RASGEF1C: variants seen among roughly 807,000 people sequenced by gnomAD.
RASGEF1C encodes the protein RasGEF domain family member 1C.
In RASGEF1C, 27 loss-of-function variants were observed where a neutral mutation model predicts 58.1. The observed-to-expected ratio is 0.46, with a 90% CI of 0.34 to 0.64. The LOEUF is 0.64. Ranked by LOEUF, RASGEF1C falls within the 30% of genes least tolerant of loss-of-function variation. The pLI is 0.01. For missense variants in RASGEF1C, 502 were observed against 605.1 expected, an observed-to-expected ratio of 0.83 and a Z score of 1.79; for synonymous variants, 243 against 246.3, an observed-to-expected ratio of 0.99 and a Z score of 0.13.
chr5:180,131,030 A>C (rs1766357257), intron 4 of RASGEF1C, among the ~76,000 whole-genome samples: 1 of 149,732 alleles, frequency 6.7e-6, no homozygotes, highest in Non-Finnish European at 1.5e-5. Flanking sequence ...TCTCTAGTTC[A>C]TTTTCTTCTA....
Position 180,138,007 on chromosome 5 carries a change from G to T in RASGEF1C, c.46C>A (p.Leu16Ile), listed in dbSNP as rs1766515804. 6.4e-7 allele frequency: 1 copy of T among 1,561,256 alleles called. No individual in the cohort carries two copies. Among genetic ancestry groups the T allele is most frequent in the South Asian group, 1.2e-5 (1 of 83,802 alleles). Residue 16 changes from leucine to isoleucine, a missense_variant, in exon 2 of 14, where the codon CTC (leucine) becomes ATC (isoleucine). By Grantham distance (5) the Leu-to-Ile change is conservative. Coordinates refer to ENST00000361132, the MANE Select transcript of RASGEF1C (RefSeq NM_175062.4). The part of the protein sequence containing the change: ...SASDMVTPGS[L>I]SPPPTEPTDG... ...GTGGGCTCGGTGGGGGGTGGGCTGA[G>T]GCTGCCTGGGGTGACCATGTCGGAG...
chr5:180,200,378 A>C (rs78457912), intron 1 of RASGEF1C, among the ~76,000 whole-genome samples: 11,871 of 115,196 alleles, frequency 0.1, 1,148 homozygotes, highest in Non-Finnish European at 0.16. Flanking sequence ...GGCGCGATCT[A>C]GGCTCACTGC....
chr5:180,119,214 G>A (rs1367517501), intron 8 of RASGEF1C, 132 bp downstream of exon 8: 1 of 794,062 alleles, frequency 1.3e-6, no homozygotes, highest in African/African-American at 1.7e-5. Flanking sequence ...CAGGCCTTCA[G>A]AGAGCCCGGC....
intron 1 of RASGEF1C, among the ~76,000 whole-genome samples, chr5:180,205,735 ATTATTATT>A (rs1756475872): frequency 6.6e-6 from 1 of 151,128 alleles, no homozygotes; most frequent in Non-Finnish European, 1.5e-5. Context: ...TATTATTATT[ATTATTATT>A]TTGAGACAGA....
intron 1 of RASGEF1C, among the ~76,000 whole-genome samples, chr5:180,163,179 T>G (rs1044920232): frequency 3.9e-4 from 58 of 150,410 alleles, no homozygotes; most frequent in Middle Eastern, 3.4e-3. Flanking sequence ...ACAGACAGTT[T>G]TAGTTCTTGC....
Position 180,118,607 on chromosome 5 carries a change from A to G in RASGEF1C, c.1083+2T>C. ...CCCTGGGCCAACGTGGCCCCGACCT[A>G]CCTTCTCTCGGCTGCTGTGGGCCGT... On this transcript the variant is annotated splice_donor_variant, in intron 10 of 13. Coordinates refer to ENST00000361132, the MANE Select transcript of RASGEF1C (RefSeq NM_175062.4). LOFTEE classifies it high-confidence loss of function. 6.2e-7 allele frequency: 1 copy of G among 1,606,390 alleles called. No homozygotes were observed. Among genetic ancestry groups the G allele is most frequent in the Non-Finnish European group, 8.5e-7 (1 of 1,176,186 alleles).
intron 1 of RASGEF1C, among the ~76,000 whole-genome samples, chr5:180,151,004 TG>T: frequency 6.6e-6 from 1 of 150,740 alleles, no homozygotes; most frequent in Non-Finnish European, 1.5e-5. Flanking sequence ...GAATCCAACT[TG>T]CAAGGGATGT....
intron 10 of RASGEF1C, 25 bp downstream of exon 10, chr5:180,118,584 C>T: frequency 2.5e-6 from 4 of 1,581,042 alleles, no homozygotes; most frequent in Non-Finnish European, 3.4e-6. Context: ...TGCAGCCCCC[C>T]TGGGCCAACG....
chr5:180,208,432 C>A (rs1561762391), intron 1 of RASGEF1C, among the ~76,000 whole-genome samples: 1 of 152,178 alleles, frequency 6.6e-6, no homozygotes, highest in African/African-American at 2.4e-5. Flanking sequence ...AATCTAAATA[C>A]AATGAGTGGA....
chr5:180,182,136 T>C (rs6601091), intron 1 of RASGEF1C, among the ~76,000 whole-genome samples: 145,998 of 146,214 alleles, frequency 1, 72,892 homozygotes, highest in Middle Eastern at 1. Context: ...ACCCGGGAGG[T>C]GGAGCTTGCA....
At position 180,137,822 on chromosome 5, in the gene RASGEF1C, C is replaced by T; in HGVS notation, c.177+54G>A. On this transcript the variant is annotated intron_variant, in intron 2 of 13. Transcript: ENST00000361132. The surrounding 1 kb of genome is among the most constrained non-coding windows in gnomAD (Gnocchi z 4.1). ...AAGGTCACGCCCAACCCTGATGCCC[C>T]CCGTGCGTGGTGGAGGAGAGCCCAC... 3 of 1,602,648 alleles carry T rather than the reference C, an allele frequency of 1.9e-6. No homozygotes were observed. The South Asian group carries it at 3.4e-5, about 18-fold the overall frequency.
chr5:180,155,528 T>C lies in RASGEF1C; in HGVS notation c.-6-17470A>G, dbSNP rs963341342. ...GCTCCATATGGCCTTCAACTCCTGC[T>C]GACAGATCCCGCTGTCTCCCTCAGG... On this transcript the variant is annotated intron_variant, in intron 1 of 13. Transcript: ENST00000361132. The surrounding 1 kb of genome is among the most constrained non-coding windows in gnomAD (Gnocchi z 5.2). 1.3e-5 allele frequency among the ~76,000 whole-genome samples: 2 copies of C among 152,150 alleles called. No homozygotes were observed. Among genetic ancestry groups the C allele is most frequent in the African/African-American group, 4.8e-5 (2 of 41,434 alleles).
intron 1 of RASGEF1C, among the ~76,000 whole-genome samples, chr5:180,190,503 AAAAAATAAT>A (rs1236514407): frequency 9.5e-5 from 9 of 94,630 alleles, no homozygotes; most frequent in African/African-American, 2.4e-4. Context: ...AAAAAAAAAA[AAAAAATAAT>A]AATAATAATA....
intron 1 of RASGEF1C, among the ~76,000 whole-genome samples, chr5:180,153,089 C>T (rs1766790747): frequency 6.6e-6 from 1 of 152,070 alleles, no homozygotes; most frequent in South Asian, 2.1e-4. Flanking sequence ...CCTTAAATGC[C>T]TGGCTCCCAA....
chr5:180,126,012 C>T (rs993930952), intron 6 of RASGEF1C, among the ~76,000 whole-genome samples: 2 of 152,118 alleles, frequency 1.3e-5, no homozygotes, highest in African/African-American at 4.8e-5. Flanking sequence ...CACAAATGTT[C>T]ATCTACAGTA....
chr5:180,127,261 C>CGGGGTCCCGGAGCGCGCCA (rs1766277940), intron 6 of RASGEF1C, among the ~76,000 whole-genome samples: 1 of 152,174 alleles, frequency 6.6e-6, no homozygotes, highest in Admixed American at 6.5e-5. Context: ...GGAAGGCGCA[C>CGGGGTCCCGGAGCGCGCCA]GGGGTCCCGG....
At chr5:180,126,274 G>A (rs1392928561) in intron 6 of RASGEF1C, among the ~76,000 whole-genome samples, 1 of 152,164 alleles carries the variant, frequency 6.6e-6, no homozygotes, top group African/African-American at 2.4e-5. Flanking sequence ...GGGTGTTGTG[G>A]TGGGCGCCTG....
intron 1 of RASGEF1C, among the ~76,000 whole-genome samples, chr5:180,151,532 T>C (rs1399903195): frequency 6.6e-6 from 1 of 152,192 alleles, no homozygotes; most frequent in African/African-American, 2.4e-5. Context: ...AAGATGAAAC[T>C]GGATCCCTTC....
intron 1 of RASGEF1C, among the ~76,000 whole-genome samples, chr5:180,173,628 C>T (rs1308342747): frequency 6.6e-6 from 1 of 152,276 alleles, no homozygotes; most frequent in East Asian, 1.9e-4. Flanking sequence ...AAAACTGGTG[C>T]AGTTGGCCGG....
Sources: gnomAD v4.1 joint callset for allele counts (sites outside exome capture counted in the v4.1 genomes callset) on GRCh38, gnomAD v4.1.1 for gene constraint, Gnocchi (gnomAD v3.1) non-coding constraint, MANE v1.5 for transcripts, NCBI Gene and HGNC (gene_info 2026-07-23, HGNC 2026-07-21) for gene names.